The following FREM1 variants were observed in gnomAD, a reference collection of about 807,000 sequenced individuals.
The protein encoded by FREM1 is FRAS1 related extracellular matrix 1.
Under a neutral mutation model 210.1 loss-of-function variants are expected in FREM1, and 220 were observed. The observed-to-expected ratio is 1.05, with a 90% CI of 0.94 to 1.17. FREM1 has a LOEUF of 1.17. Ranked by LOEUF, FREM1 falls within the 50% of genes most tolerant of loss-of-function variation. FREM1 has a pLI of 0.00. For missense variants in FREM1, 3,454 were observed against 2,675.5 expected, an observed-to-expected ratio of 1.29 and a Z score of -6.42; for synonymous variants, 1,189 against 980.2, an observed-to-expected ratio of 1.21 and a Z score of -3.98.
At chr9:14,764,565 G>A (rs977219197) in intron 27 of FREM1, among the ~76,000 whole-genome samples, 14 of 152,264 alleles carry the variant, frequency 9.2e-5, no homozygotes, top group South Asian at 4.1e-4. Flanking sequence ...TAAGGCATGC[G>A]TGTAATTCTT....
chr9:14,867,462 T>C (rs926994097), intron 2 of FREM1, among the ~76,000 whole-genome samples: 1 of 152,140 alleles, frequency 6.6e-6, no homozygotes, highest in African/African-American at 2.4e-5. Context: ...TGACTGACGA[T>C]AAAATCTTAC....
intron 10 of FREM1, among the ~76,000 whole-genome samples, chr9:14,837,404 G>A (rs150846556): frequency 0.01 from 1,545 of 151,436 alleles, 22 homozygotes; most frequent in South Asian, 0.043. Flanking sequence ...CTTCCTTCTT[G>A]CCCCGTCTTG....
chr9:14,751,113 G>C (rs1843293236), intron 29 of FREM1, among the ~76,000 whole-genome samples: 1 of 152,128 alleles, frequency 6.6e-6, no homozygotes, highest in African/African-American at 2.4e-5. Context: ...GTGGATCATA[G>C]GATATCCCCT....
chr9:14,832,196 G>A (rs933231137), intron 10 of FREM1, among the ~76,000 whole-genome samples: 2 of 152,326 alleles, frequency 1.3e-5, no homozygotes, highest in South Asian at 4.1e-4. Context: ...GTAACTTTCA[G>A]GGAAGTCATC....
At chr9:14,886,895 CAAAAAAAAAAA>C (rs59827471) in intron 1 of FREM1, among the ~76,000 whole-genome samples, 21,086 of 96,578 alleles carry the variant, frequency 0.22, 1,962 homozygotes, top group East Asian at 0.56. Flanking sequence ...GACCTTGTTT[CAAAAAAAAAAA>C]AAAAAAAAAA....
At position 14,857,599 on chromosome 9, in the gene FREM1, G is replaced by C. The variant is rs1258532676; in HGVS notation, c.782C>G (p.Ser261Cys). The C allele has an allele frequency of 1.9e-6, 3 of 1,613,708 alleles. No homozygotes were observed. Among genetic ancestry groups the C allele is most frequent in the Non-Finnish European group, 2.5e-6 (3 of 1,179,852 alleles). ...DPPSPNIDYI[S>C]IQLDLTDTRS... ...GGTATCTGTGAGGTCCAGTTGGATG[G>C]AGATATAATCAATGTTGGGTGAAGG... The change falls in exon 5 of 37, where the codon TCC becomes TGC. Residue 261 changes from serine (S) to cysteine (C), a missense_variant. Coordinates refer to ENST00000380880, the MANE Select transcript of FREM1 (RefSeq NM_001379081.2).
At chr9:14,884,441 C>T (rs1835409372) in intron 1 of FREM1, among the ~76,000 whole-genome samples, 1 of 152,086 alleles carries the variant, frequency 6.6e-6, no homozygotes. Context: ...CCAATAAACG[C>T]CAATAAAGCT....
chr9:14,880,217 A>C (rs1456887709), intron 1 of FREM1, among the ~76,000 whole-genome samples: 1 of 152,148 alleles, frequency 6.6e-6, no homozygotes, highest in Non-Finnish European at 1.5e-5. Context: ...TCTTTAAGCC[A>C]CCCTGTCTAC....
At chr9:14,858,832 G>C (rs375998335) in intron 4 of FREM1, among the ~76,000 whole-genome samples, 7 of 152,230 alleles carry the variant, frequency 4.6e-5, no homozygotes, top group African/African-American at 1.7e-4. Flanking sequence ...AATAACAGCT[G>C]ACAATGAGTA....
chr9:14,801,974 A>G, intron 19 of FREM1, 100 bp from the exon 20 acceptor site: 3 of 822,676 alleles, frequency 3.6e-6, no homozygotes, highest in Non-Finnish European at 5.8e-6. Flanking sequence ...ATCCTACTTC[A>G]AATTTTCTAT....
At chr9:14,840,700 G>C (rs1166914272) in intron 10 of FREM1, among the ~76,000 whole-genome samples, 1 of 152,160 alleles carries the variant, frequency 6.6e-6, no homozygotes, top group Non-Finnish European at 1.5e-5. Context: ...AACCATATCA[G>C]TAGGTGATTA....
At chr9:14,851,645 T>A (rs369948540) in intron 5 of FREM1, 38 bp from the exon 6 acceptor site, 4 of 1,448,118 alleles carry the variant, frequency 2.8e-6, no homozygotes, top group Non-Finnish European at 3.9e-6. Context: ...GAGGAAATAA[T>A]ATGAATGAGG....
rs1818111637 is a variant in FREM1, at chr9:14,805,080, G to A, written c.3347C>T (p.Pro1116Leu). 2 of 1,612,942 alleles carry A rather than the reference G, an allele frequency of 1.2e-6. No homozygotes were observed. Among genetic ancestry groups the A allele is most frequent in the South Asian group, 1.1e-5 (1 of 90,936 alleles). The change falls in exon 19 of 37, where the codon CCA becomes CTA. Residue 1116 changes from proline (P) to leucine (L), a missense_variant. Pro to Leu is a moderately conservative substitution (Grantham distance 98). Transcript: ENST00000380880. ...YVQSRHLRIE[P>L]TADQFTVYVT... ...GTACACCGTGAACTGGTCGGCAGTT[G>A]GTTCTATCCTCAGATGCCTGGACTG...
chr9:14,857,319 G>A (rs1384273884), intron 5 of FREM1, among the ~76,000 whole-genome samples: 1 of 152,172 alleles, frequency 6.6e-6, no homozygotes, highest in African/African-American at 2.4e-5. Flanking sequence ...CCAAGTTGCT[G>A]TACTGATGGT....
chr9:14,888,798 C>T (rs1042734705), intron 1 of FREM1, among the ~76,000 whole-genome samples: 3 of 152,092 alleles, frequency 2.0e-5, no homozygotes, highest in African/African-American at 4.8e-5. Context: ...TAGAAATCAT[C>T]GAGGCCATAT....
At chr9:14,903,945 C>G (rs951077856) in intron 1 of FREM1, among the ~76,000 whole-genome samples, 1 of 151,838 alleles carries the variant, frequency 6.6e-6, no homozygotes, top group Admixed American at 6.6e-5. Context: ...CACAGTGAAA[C>G]CGCGTCTCTA....
At chr9:14,806,879 G>C in intron 17 of FREM1, 33 bp from the exon 18 acceptor site, 2 of 1,419,860 alleles carry the variant, frequency 1.4e-6, no homozygotes, top group Non-Finnish European at 1.9e-6. Flanking sequence ...TTACAACTTA[G>C]CATGAAATCC....
chr9:14,787,866 T>C (rs1219395184), intron 23 of FREM1, among the ~76,000 whole-genome samples: 1 of 152,150 alleles, frequency 6.6e-6, no homozygotes, highest in Non-Finnish European at 1.5e-5. Flanking sequence ...TACAGTAACA[T>C]CTAGCTTATC....
chr9:14,861,054 C>T (rs866598019), intron 3 of FREM1, among the ~76,000 whole-genome samples: 3 of 71,672 alleles, frequency 4.2e-5, no homozygotes, highest in African/African-American at 7.4e-5. Flanking sequence ...TACATATATA[C>T]ATATATACAC....
Sources: gnomAD v4.1 joint callset for allele counts (sites outside exome capture counted in the v4.1 genomes callset) on GRCh38, gnomAD v4.1.1 for gene constraint, MANE v1.5 for transcripts, NCBI Gene and HGNC (gene_info 2026-07-23, HGNC 2026-07-21) for gene names.